EXOC1L: variants seen among roughly 807,000 people sequenced by gnomAD.
EXOC1L encodes the protein exocyst complex component 1-like.
Under a neutral mutation model 4.9 loss-of-function variants are expected in EXOC1L, and 10 were observed. The ratio of observed to expected loss-of-function variants is 2.02; its 90% CI spans 1.25 to 3.43. The LOEUF (loss-of-function observed/expected upper bound fraction) is 3.43, where lower values mean the gene tolerates loss of function less well. Among genes scored for constraint, EXOC1L ranks in the 30% most tolerant of loss-of-function variants. The pLI, the probability that EXOC1L is intolerant of heterozygous loss-of-function variation, is 0.00. For synonymous variants in EXOC1L, 41 were observed against 20.8 expected (o/e 1.97, Z -2.63); for missense variants, 114 against 59.4 (o/e 1.92, Z -3.02).
intron 2 of EXOC1L, among the ~76,000 whole-genome samples, chr4:55,832,803 A>C (rs187427193): frequency 5.1e-4 from 78 of 152,058 alleles, no homozygotes; most frequent in Non-Finnish European, 1.0e-3. Context: ...TGGTTGTTGA[A>C]AGCCTCTACA....
At chr4:55,825,594 T>C (rs955976673) in intron 1 of EXOC1L, among the ~76,000 whole-genome samples, 3 of 152,144 alleles carry the variant, frequency 2.0e-5, no homozygotes, top group Non-Finnish European at 4.4e-5. Context: ...CCTCATTGGA[T>C]GTCCCTTCTC....
chr4:55,819,886 A>C lies in EXOC1L; in HGVS notation c.-141A>C. 1 of 383,328 alleles carries C rather than the reference A, an allele frequency of 2.6e-6. No individual in the cohort carries two copies. The highest frequency in any genetic ancestry group is 4.6e-6 in the Non-Finnish European group (1 of 217,022). 23.7% of individuals were successfully genotyped at this position (383,328 alleles called of 1,614,324 possible). Reference sequence around the variant, plus strand: ...TCGGGAATCTGGGCTCTGGCTAGGAATGAGAAGTTAAGAGAGGGAGGGCTG... The same window carrying C: ...TCGGGAATCTGGGCTCTGGCTAGGACTGAGAAGTTAAGAGAGGGAGGGCTG... On this transcript the variant is annotated 5_prime_UTR_variant, in exon 1 of 3. It removes an upstream start codon present in the reference 5' UTR. Transcript: ENST00000636125.
At chr4:55,826,595 A>G (rs1451178081) in intron 1 of EXOC1L, among the ~76,000 whole-genome samples, 1 of 152,254 alleles carries the variant, frequency 6.6e-6, no homozygotes, top group African/African-American at 2.4e-5. Context: ...ACTAAATCAT[A>G]GTTTGATAAT....
At chr4:55,826,673 G>A (rs967641998) in intron 1 of EXOC1L, among the ~76,000 whole-genome samples, 13 of 152,178 alleles carry the variant, frequency 8.5e-5, no homozygotes, top group Non-Finnish European at 1.6e-4. Context: ...TCTGTTTTAA[G>A]ACAATGTGAT....
rs1010138566 is a variant in EXOC1L at position 55,825,205 on chromosome 4, T to C, written c.121+5058T>C. The stretch of plus-strand genomic sequence containing the variant: ...TATGTGATAGATAAAATTCCTGTTT[T>C]ACAGACGAGGAAACCATAGGTCACA... On this transcript the variant is annotated intron_variant, in intron 1 of 2. Transcript: ENST00000636125. Among the ~76,000 whole-genome samples the C allele has an allele frequency of 5.9e-5, 9 of 152,194 alleles. 1 individual carries two copies. The highest frequency in any genetic ancestry group is 2.9e-5 in the Non-Finnish European group (2 of 68,042).
chr4:55,822,437 TTATCACTGGAAGTTAA>T (rs747015476), intron 1 of EXOC1L, among the ~76,000 whole-genome samples: 22 of 152,182 alleles, frequency 1.4e-4, no homozygotes, highest in Non-Finnish European at 2.9e-4. Context: ...ACCTAGAACA[TTATCACTGGAAGTTAA>T]AAGTAGCATC....
intron 2 of EXOC1L, 63 bp downstream of exon 2, chr4:55,831,527 T>A: frequency 1.6e-6 from 1 of 609,456 alleles, no homozygotes; most frequent in South Asian, 2.0e-5. Context: ...ATGTTCAATA[T>A]CCTGCTTCAT....
chr4:55,827,903 G>A (rs1307129977), intron 1 of EXOC1L, among the ~76,000 whole-genome samples: 1 of 151,600 alleles, frequency 6.6e-6, no homozygotes, highest in African/African-American at 2.4e-5. Context: ...TAATCCTTTC[G>A]TCTTCCCAAG....
At chr4:55,834,325 G>T (rs1245630187) in intron 2 of EXOC1L, among the ~76,000 whole-genome samples, 1 of 151,858 alleles carries the variant, frequency 6.6e-6, no homozygotes, top group Non-Finnish European at 1.5e-5. Flanking sequence ...GAGATCTTGG[G>T]TTTTGTCCTG....
At chr4:55,821,970 C>T (rs1200706623) in intron 1 of EXOC1L, among the ~76,000 whole-genome samples, 1 of 152,184 alleles carries the variant, frequency 6.6e-6, no homozygotes, top group Non-Finnish European at 1.5e-5. Flanking sequence ...ATGCTTGACT[C>T]AGACAATTTC....
At chr4:55,827,445 A>G (rs1719912721) in intron 1 of EXOC1L, among the ~76,000 whole-genome samples, 1 of 152,176 alleles carries the variant, frequency 6.6e-6, no homozygotes, top group Non-Finnish European at 1.5e-5. Context: ...CAGAACTGTA[A>G]GCACAGGTTT....
At chr4:55,834,496 T>C (rs919807550) in intron 2 of EXOC1L, among the ~76,000 whole-genome samples, 1 of 151,966 alleles carries the variant, frequency 6.6e-6, no homozygotes, top group Non-Finnish European at 1.5e-5. Context: ...TTGTATCCTA[T>C]GTGCATGCAT....
intron 1 of EXOC1L, among the ~76,000 whole-genome samples, chr4:55,826,870 T>C (rs751135909): frequency 4.8e-4 from 73 of 152,232 alleles, no homozygotes; most frequent in Admixed American, 3.3e-4. Context: ...AAAGGTTAAC[T>C]TTTAAAGAAT....
intron 1 of EXOC1L, among the ~76,000 whole-genome samples, chr4:55,822,358 T>A (rs1577662067): frequency 6.6e-6 from 1 of 152,292 alleles, no homozygotes; most frequent in Non-Finnish European, 1.5e-5. Flanking sequence ...ATGGGGGATT[T>A]CCTGGGACCG....
chr4:55,835,289 CAATTGCA>C, intron 2 of EXOC1L, among the ~76,000 whole-genome samples: 1 of 151,718 alleles, frequency 6.6e-6, no homozygotes, highest in African/African-American at 2.4e-5. Context: ...CATATTTTTG[CAATTGCA>C]AATTGTGCTA....
chr4:55,833,860 A>G (rs1302862018), intron 2 of EXOC1L, among the ~76,000 whole-genome samples: 1 of 151,930 alleles, frequency 6.6e-6, no homozygotes, highest in Non-Finnish European at 1.5e-5. Context: ...AAGATACAAA[A>G]TATAGGTTGA....
chr4:55,831,380 A>G lies in EXOC1L; in HGVS notation c.168A>G (p.Arg56=), dbSNP rs1011682395. ...EVKIVMVKHY[R]IGLDEKYEVT... ...AAATAGTCATGGTGAAACACTACAGAATAGGTTTAGATGAAAAATATGAAG... is the reference window on the plus strand; with the variant it reads ...AAATAGTCATGGTGAAACACTACAGGATAGGTTTAGATGAAAAATATGAAG... The change falls in exon 2 of 3, where the codon AGA becomes AGG. Residue 56 remains arginine (R), a synonymous_variant. Coordinates refer to ENST00000636125, the MANE Select transcript of EXOC1L (RefSeq NM_001351574.3). 1 of 690,988 alleles carries G rather than the reference A, an allele frequency of 1.4e-6. No individual in the cohort carries two copies. Among genetic ancestry groups the G allele is most frequent in the African/African-American group, 1.8e-5 (1 of 56,540 alleles). 42.8% of individuals were successfully genotyped at this position (690,988 alleles called of 1,614,324 possible). A position where few individuals can be genotyped will look rare whatever the true frequency, so the allele number is the denominator to read the frequency against.
intron 2 of EXOC1L, among the ~76,000 whole-genome samples, chr4:55,834,430 G>T (rs1720110676): frequency 6.6e-6 from 1 of 151,880 alleles, no homozygotes; most frequent in Admixed American, 6.6e-5. Flanking sequence ...TGATTCCTGA[G>T]ATCCCTTTTA....
intron 1 of EXOC1L, among the ~76,000 whole-genome samples, chr4:55,822,238 T>C (rs1008540908): frequency 7.9e-5 from 12 of 152,146 alleles, no homozygotes; most frequent in African/African-American, 2.7e-4. Context: ...TTTGCAGGGG[T>C]CTTGCAGCCA....
Sources: gnomAD v4.1 joint callset for allele counts (sites outside exome capture counted in the v4.1 genomes callset) on GRCh38, gnomAD v4.1.1 for gene constraint, MANE v1.5 for transcripts, NCBI Gene and HGNC (gene_info 2026-07-23, HGNC 2026-07-21) for gene names.